VWA3B: variants seen among roughly 807,000 people sequenced by gnomAD.
The protein encoded by VWA3B is von Willebrand factor A domain containing 3B.
A neutral mutation model predicts 158.3 loss-of-function variants in VWA3B; 138 were observed. The ratio of observed to expected loss-of-function variants is 0.87; its 90% CI spans 0.76 to 1.00. VWA3B has a LOEUF of 1.00. Ranked by LOEUF, VWA3B falls within the 50% of genes least tolerant of loss-of-function variation. VWA3B has a pLI of 0.00. For synonymous variants in VWA3B, 596 were observed against 587.3 expected, an observed-to-expected ratio of 1.01 and a Z score of -0.21; for missense variants, 1,555 against 1,565.1, an observed-to-expected ratio of 0.99 and a Z score of 0.11.
At chr2:98,292,443 G>T (rs1419458684) in intron 23 of VWA3B, among the ~76,000 whole-genome samples, 1 of 152,088 alleles carries the variant, frequency 6.6e-6, no homozygotes, top group Non-Finnish European at 1.5e-5. Context: ...TGATAAATGT[G>T]CTTGGGAGTT....
At chr2:98,246,445 T>C (rs895431178) in intron 19 of VWA3B, among the ~76,000 whole-genome samples, 1 of 152,120 alleles carries the variant, frequency 6.6e-6, no homozygotes, top group Admixed American at 6.5e-5. Flanking sequence ...TGGTGCAATC[T>C]CGGCTCACTG....
chr2:98,271,362 T>A (rs572365923), intron 22 of VWA3B, among the ~76,000 whole-genome samples: 2 of 152,354 alleles, frequency 1.3e-5, no homozygotes, highest in Admixed American at 6.5e-5. Flanking sequence ...CAATTTTTTT[T>A]AATAATCATT....
At chr2:98,268,113 A>G (rs1687962807) in intron 21 of VWA3B, among the ~76,000 whole-genome samples, 1 of 151,690 alleles carries the variant, frequency 6.6e-6, no homozygotes, top group South Asian at 2.1e-4. Context: ...CCAGAGGTAC[A>G]AGGAGGAACT....
At chr2:98,269,253 G>A (rs1340453484) in intron 21 of VWA3B, 1 of 152,050 alleles carries the variant, frequency 6.6e-6, no homozygotes, top group Non-Finnish European at 1.5e-5. Context: ...GAGATTTGGG[G>A]GACTCTCTGA....
In VWA3B at chr2:98,176,967, G is replaced by A. The variant is rs147496260; in HGVS notation, c.1115-4049G>A. On this transcript the variant is annotated intron_variant, in intron 8 of 27. Coordinates refer to ENST00000477737, the MANE Select transcript of VWA3B (RefSeq NM_144992.5). ...CCCCCCTGAAAGGCATGTGGGGCTA[G>A]CGTGGCAGGAATGAGGTGCCAGGCA... 3.0e-3 allele frequency among the ~76,000 whole-genome samples: 459 copies of A among 152,302 alleles called. 2 individuals carry two copies. Among genetic ancestry groups the A allele is most frequent in the African/African-American group, 0.011 (445 of 41,552 alleles).
chr2:98,228,776 G>C (rs1345568695), intron 15 of VWA3B: 1 of 153,208 alleles, frequency 6.5e-6, no homozygotes, highest in Non-Finnish European at 1.5e-5. Flanking sequence ...GTTTGGGACA[G>C]ATGACTTCTC....
At chr2:98,259,532 A>G (rs1687354926) in intron 21 of VWA3B, among the ~76,000 whole-genome samples, 1 of 151,690 alleles carries the variant, frequency 6.6e-6, no homozygotes, top group South Asian at 2.1e-4. Flanking sequence ...TTGGCATAGA[A>G]CTATTCATAG....
rs1270794432 is a variant in VWA3B at position 98,121,379 on chromosome 2, T to C, written c.623T>C (p.Val208Ala). Residue 208 changes from valine to alanine, a missense_variant, in exon 5 of 28, where the codon GTT (valine) becomes GCT (alanine). Transcript: ENST00000477737. ...EQSIATAISWVEKLTVELTVS... is the reference protein window; with the variant it reads ...EQSIATAISWAEKLTVELTVS... ...TCCATAGCTACTGCCATCAGTTGGG[T>C]TGAGAAACTGACGGTTGAGCTGACT... 6.2e-7 allele frequency: 1 copy of C among 1,614,128 alleles called. No homozygotes were observed.
chr2:98,220,823 A>T (rs2105623637), intron 14 of VWA3B, among the ~76,000 whole-genome samples: 1 of 152,334 alleles, frequency 6.6e-6, no homozygotes, highest in Middle Eastern at 3.4e-3. Context: ...CTTTTCAGGG[A>T]CATGGATGAA....
chr2:98,125,960 G>T lies in VWA3B; in HGVS notation c.703-2279G>T, dbSNP rs924733912. 6.6e-6 allele frequency among the ~76,000 whole-genome samples: 1 copy of T among 152,122 alleles called. No homozygotes were observed. Among genetic ancestry groups the T allele is most frequent in the Non-Finnish European group, 1.5e-5 (1 of 68,024 alleles). ...ATTACAGGTATGAGCCACCGCTCCCGGCCACCTTTCTGTTTTTCTAAGTGT... is the reference window on the plus strand; with the variant it reads ...ATTACAGGTATGAGCCACCGCTCCCTGCCACCTTTCTGTTTTTCTAAGTGT... On this transcript the variant is annotated intron_variant, in intron 5 of 27. Transcript: ENST00000477737. The surrounding 1 kb of genome is among the most constrained non-coding windows in gnomAD (Gnocchi z 4.1).
At position 98,313,019 on chromosome 2, in the gene VWA3B, T is replaced by C. The variant is rs1691000608; in HGVS notation, c.*670T>C. Reference sequence around the variant, plus strand: ...AGCAATGACATATGAAAGTATTCAGTTGTGTTTACTAACTTCAAAAATGAA... The same window carrying C: ...AGCAATGACATATGAAAGTATTCAGCTGTGTTTACTAACTTCAAAAATGAA... On this transcript the variant is annotated 3_prime_UTR_variant, in exon 28 of 28. Coordinates refer to ENST00000477737, the MANE Select transcript of VWA3B (RefSeq NM_144992.5). 6.6e-6 allele frequency: 1 copy of C among 152,224 alleles called. No homozygotes were observed. The highest frequency in any genetic ancestry group is 2.4e-5 in the African/African-American group (1 of 41,446). 9.4% of individuals were successfully genotyped at this position (152,224 alleles called of 1,614,324 possible). A position where few individuals can be genotyped will look rare whatever the true frequency, so the allele number is the denominator to read the frequency against.
the VWA3B span, among the ~76,000 whole-genome samples, chr2:98,321,048 T>G: frequency 6.6e-6 from 1 of 152,218 alleles, no homozygotes; most frequent in Non-Finnish European, 1.5e-5. Context: ...GTGCTCTGCA[T>G]CCCAGCTGTT....
At chr2:98,132,709 C>T (rs988058260) in intron 6 of VWA3B, among the ~76,000 whole-genome samples, 1 of 152,206 alleles carries the variant, frequency 6.6e-6, no homozygotes, top group Non-Finnish European at 1.5e-5. Context: ...CCCTCCTTGC[C>T]CTACAGGGCA....
intron 26 of VWA3B, among the ~76,000 whole-genome samples, chr2:98,308,904 G>A (rs1340090334): frequency 6.6e-6 from 1 of 152,174 alleles, no homozygotes; most frequent in Non-Finnish European, 1.5e-5. Flanking sequence ...GGGGGCAGTG[G>A]CTCATGCCTG....
intron 7 of VWA3B, among the ~76,000 whole-genome samples, chr2:98,145,238 C>T (rs1677086936): frequency 6.6e-6 from 1 of 152,168 alleles, no homozygotes; most frequent in Non-Finnish European, 1.5e-5. Flanking sequence ...AAATATTTGT[C>T]CTGTTCCATT....
intron 12 of VWA3B, among the ~76,000 whole-genome samples, chr2:98,204,701 C>T (rs1477633930): frequency 6.6e-6 from 1 of 152,278 alleles, no homozygotes; most frequent in Middle Eastern, 3.4e-3. Context: ...GTCTGCTTTG[C>T]GTATCAGTGT....
intron 7 of VWA3B, among the ~76,000 whole-genome samples, chr2:98,153,956 G>T (rs1176441315): frequency 6.6e-6 from 1 of 152,136 alleles, no homozygotes; most frequent in East Asian, 1.9e-4. Context: ...CTGCTTCCAG[G>T]GCTCAAGCGA....
intron 25 of VWA3B, 149 bp from the exon 26 acceptor site, chr2:98,303,553 G>A (rs1690330064): frequency 3.0e-6 from 2 of 671,994 alleles, no homozygotes; most frequent in Admixed American, 2.8e-5. Flanking sequence ...TGTCAAGTGA[G>A]GGTCTGAATT....
rs1223158839 is a variant in VWA3B, at chr2:98,112,767, G to A, written c.197-2885G>A. Among the ~76,000 whole-genome samples, 5 of 151,654 alleles carry A rather than the reference G, an allele frequency of 3.3e-5. No homozygotes were observed. In the South Asian group the frequency reaches 1.0e-3, roughly 32 times the overall value. On this transcript the variant is annotated intron_variant, in intron 2 of 27. Transcript: ENST00000477737. Reference sequence around the variant, plus strand: ...TATCTGTTCTCTCTTTTTCTTCTGAGACTCAAATCATAGTTTGCTAAGCAT... The same window carrying A: ...TATCTGTTCTCTCTTTTTCTTCTGAAACTCAAATCATAGTTTGCTAAGCAT...
Sources: gnomAD v4.1 joint callset for allele counts (sites outside exome capture counted in the v4.1 genomes callset) on GRCh38, gnomAD v4.1.1 for gene constraint, Gnocchi (gnomAD v3.1) non-coding constraint, MANE v1.5 for transcripts, NCBI Gene and HGNC (gene_info 2026-07-23, HGNC 2026-07-21) for gene names.